Variants in CASK observed in about 807,000 individuals in gnomAD.
CASK encodes the protein calcium/calmodulin dependent serine protein kinase, also known as peripheral plasma membrane protein CASK.
Under a neutral mutation model 82.9 loss-of-function variants are expected in CASK, and 4 were observed. The ratio of observed to expected loss-of-function variants is 0.05; its 90% CI spans 0.02 to 0.11. The LOEUF is 0.11. CASK is among the 10% of genes least tolerant of loss of function. The pLI is 1.00. For synonymous variants in CASK, 259 were observed against 253.5 expected, an observed-to-expected ratio of 1.02 and a Z score of -0.20; for missense variants, 358 against 720.9, an observed-to-expected ratio of 0.50 and a Z score of 5.76.
intron 3 of CASK, among the ~76,000 whole-genome samples, chrX:41,778,151 T>C (rs1374016080): frequency 1.8e-5 from 2 of 112,005 alleles, no homozygotes; most frequent in Non-Finnish European, 3.8e-5. Flanking sequence ...ATAACAAAAT[T>C]AAGACATTAT....
chrX:41,549,657 T>C (rs967415723), intron 21 of CASK, among the ~76,000 whole-genome samples: 3 of 109,414 alleles, frequency 2.7e-5, no homozygotes, highest in South Asian at 3.9e-4. Context: ...CTGGCCAACA[T>C]AGTGAGATCT....
chrX:41,560,849 C>G (rs1437905389), intron 17 of CASK, among the ~76,000 whole-genome samples: 1 of 108,978 alleles, frequency 9.2e-6, no homozygotes. Context: ...TGAGATCACG[C>G]CATTGCACTC....
At chrX:41,777,570 C>T (rs2069389623) in intron 3 of CASK, among the ~76,000 whole-genome samples, 1 of 109,771 alleles carries the variant, frequency 9.1e-6, no homozygotes, top group South Asian at 3.9e-4. Context: ...TATTTTGATG[C>T]TAGGGATATA....
At position 41,739,988 on chromosome X, in the gene CASK, G is replaced by A. The variant is rs113915201; in HGVS notation, c.357-532C>T. ...GTAACATAATCAAGTTTTAGTTGGG[G>A]CTCCCTTGAACAAAGTGGAGTTAAT... On this transcript the variant is annotated intron_variant, in intron 4 of 26. Transcript: ENST00000378163. Among the ~76,000 whole-genome samples the A allele has an allele frequency of 3.5e-3, 398 of 112,232 alleles. 2 individuals carry two copies. Among genetic ancestry groups the A allele is most frequent in the African/African-American group, 0.012 (384 of 30,919 alleles).
chrX:41,569,451 A>G (rs762199144), intron 16 of CASK, among the ~76,000 whole-genome samples: 2 of 111,684 alleles, frequency 1.8e-5, no homozygotes, highest in South Asian at 7.5e-4. Context: ...AAGATTCTTT[A>G]TATGTATCCT....
intron 1 of CASK, among the ~76,000 whole-genome samples, chrX:41,889,547 C>G: frequency 9.0e-6 from 1 of 111,270 alleles, no homozygotes; most frequent in South Asian, 3.8e-4. Flanking sequence ...ACTCATAATA[C>G]AAATAAATGT....
intron 8 of CASK, among the ~76,000 whole-genome samples, chrX:41,658,249 C>T (rs1009249660): frequency 1.8e-5 from 2 of 112,091 alleles, no homozygotes; most frequent in African/African-American, 6.5e-5. Context: ...CTGTGAGCTG[C>T]TGTAGCAAAT....
At chrX:41,613,629 T>TAA (rs767946526) in intron 11 of CASK, among the ~76,000 whole-genome samples, 758 of 49,823 alleles carry the variant, frequency 0.015, 14 homozygotes, top group African/African-American at 0.052. Flanking sequence ...AATGATCAAT[T>TAA]AAAAAAAAAA....
At position 41,531,083 on chromosome X, in the gene CASK, A is replaced by T. The variant is rs761873670; in HGVS notation, c.2444T>A (p.Met815Lys). Residue 815 changes from methionine to lysine, a missense_variant, in exon 25 of 27, where the codon ATG (methionine) becomes AAG (lysine). Transcript: ENST00000378163. ...GATGGTCTCCAGTTTTGTCCCATAC[A>T]TCGCATCCTCGTGGCTGCCGTACTC... ...YLEYGSHEDA[M>K]YGTKLETIRK... 2.5e-6 allele frequency: 3 copies of T among 1,209,753 alleles called. No individual in the cohort carries two copies. Among genetic ancestry groups the T allele is most frequent in the East Asian group, 5.9e-5 (2 of 33,790 alleles).
chrX:41,854,224 GCACACACACACACACACA>G (rs4007745), intron 1 of CASK, among the ~76,000 whole-genome samples: 12 of 81,734 alleles, frequency 1.5e-4, no homozygotes, highest in Admixed American at 1.2e-3. Flanking sequence ...GCGGGCGCGC[GCACACACACACACACACA>G]CACACACACA....
intron 5 of CASK, among the ~76,000 whole-genome samples, chrX:41,688,218 C>T (rs2067478163): frequency 9.1e-6 from 1 of 110,494 alleles, no homozygotes; most frequent in Non-Finnish European, 1.9e-5. Context: ...AAGAGTGTAC[C>T]CAGAAATAAT....
intron 1 of CASK, among the ~76,000 whole-genome samples, chrX:41,878,014 C>T (rs767186431): frequency 9.2e-6 from 1 of 108,601 alleles, no homozygotes; most frequent in Non-Finnish European, 1.9e-5. Flanking sequence ...AAACACAATG[C>T]CTCTTATTTT....
intron 10 of CASK, among the ~76,000 whole-genome samples, chrX:41,625,347 G>C: frequency 9.2e-6 from 1 of 109,128 alleles, no homozygotes; most frequent in Admixed American, 9.8e-5. Context: ...CACCACGCCC[G>C]GCTAATTTTT....
intron 12 of CASK, among the ~76,000 whole-genome samples, chrX:41,605,664 G>A (rs12353705): frequency 0.026 from 2,958 of 111,664 alleles, 103 homozygotes; most frequent in African/African-American, 0.091. Flanking sequence ...TGTGGAACAT[G>A]GGAAGAAAGA....
At chrX:41,559,160 T>TA (rs1406509274) in intron 18 of CASK, 2 of 113,145 alleles carry the variant, frequency 1.8e-5, no homozygotes, top group Admixed American at 9.3e-5. Flanking sequence ...TTCTACAGGA[T>TA]AAGCCTATTT....
intron 2 of CASK, among the ~76,000 whole-genome samples, chrX:41,828,361 A>C (rs1431770736): frequency 8.9e-6 from 1 of 111,962 alleles, no homozygotes; most frequent in Admixed American, 9.5e-5. Context: ...AGAGGATCAT[A>C]CTAAAAAGAC....
chrX:41,523,417 C>T (rs937712102), intron 26 of CASK, among the ~76,000 whole-genome samples: 1 of 112,517 alleles, frequency 8.9e-6, no homozygotes, highest in East Asian at 2.8e-4. Context: ...CAATGGTCTT[C>T]AGGATAACTT....
Position 41,907,782 on chromosome X carries a change from C to T in CASK, c.59+15148G>A, listed in dbSNP as rs181625420. ...ACCTAACCTTTTTGGCATCAGGGAC[C>T]GGTTTTGTGGAAGACAATTTTTCCA... On this transcript the variant is annotated intron_variant, in intron 1 of 26. Transcript: ENST00000378163. Among the ~76,000 whole-genome samples the T allele has an allele frequency of 9.6e-3, 1,044 of 108,821 alleles. 10 individuals carry two copies. Among genetic ancestry groups the T allele is most frequent in the Non-Finnish European group, 0.015 (796 of 52,413 alleles). 94.5% of individuals were successfully genotyped at this position (108,821 alleles called of 115,157 possible). A position where few individuals can be genotyped will look rare whatever the true frequency, so the allele number is the denominator to read the frequency against.
intron 2 of CASK, chrX:41,790,119 C>G: frequency 3.1e-6 from 2 of 636,027 alleles, no homozygotes; most frequent in Non-Finnish European, 4.1e-6. Flanking sequence ...TTAGTAGAGA[C>G]TTTTTTTTTT....
Sources: allele counts gnomAD v4.1 joint callset (sites outside exome capture counted in the v4.1 genomes callset), GRCh38; gene constraint gnomAD v4.1.1; transcripts MANE v1.5; gene names NCBI Gene and HGNC (gene_info 2026-07-23, HGNC 2026-07-21).